The following ZBTB20 variants were observed in gnomAD, a reference collection of about 807,000 sequenced individuals.
ZBTB20 encodes the protein zinc finger and BTB domain containing 20, also known as zinc finger and BTB domain-containing protein 20.
In ZBTB20, 9 loss-of-function variants were observed where a neutral mutation model predicts 56.9. That is an observed-to-expected ratio of 0.16 (90% CI 0.10 to 0.28). ZBTB20 has a LOEUF of 0.28. Ranked by LOEUF, ZBTB20 falls within the 10% of genes least tolerant of loss-of-function variation. ZBTB20 has a pLI of 1.00. For synonymous variants in ZBTB20, 417 were observed against 420.7 expected (o/e 0.99, Z 0.11); for missense variants, 655 against 1,003.0 (o/e 0.65, Z 4.69).
At chr3:114,848,492 T>C (rs145235731) in intron 4 of ZBTB20, among the ~76,000 whole-genome samples, 1 of 152,310 alleles carries the variant, frequency 6.6e-6, no homozygotes, top group Non-Finnish European at 1.5e-5. Context: ...ATGGAAATTC[T>C]TACAATAGCT....
chr3:114,919,659 T>C (rs987034514), intron 3 of ZBTB20, among the ~76,000 whole-genome samples: 2 of 151,268 alleles, frequency 1.3e-5, no homozygotes, highest in African/African-American at 4.9e-5. Flanking sequence ...GAGCCAAGAT[T>C]GTACCACTGC....
chr3:114,403,890 A>G (rs1290504316), intron 7 of ZBTB20, among the ~76,000 whole-genome samples: 5 of 152,248 alleles, frequency 3.3e-5, no homozygotes, highest in Non-Finnish European at 5.9e-5. Flanking sequence ...ACCTTGGGCA[A>G]GTCATGAAAC....
At chr3:115,006,459 G>GGATA (rs2079474430) in intron 2 of ZBTB20, among the ~76,000 whole-genome samples, 2 of 141,620 alleles carry the variant, frequency 1.4e-5, no homozygotes, top group Non-Finnish European at 3.0e-5. Context: ...TTATCCAGTT[G>GGATA]GATATATATA....
At chr3:114,811,034 C>T (rs1316850024) in intron 4 of ZBTB20, among the ~76,000 whole-genome samples, 2 of 152,060 alleles carry the variant, frequency 1.3e-5, no homozygotes, top group South Asian at 2.1e-4. Context: ...AACCACTCAG[C>T]GAGAAGGACT....
chr3:114,381,467 C>G (rs1241510925), intron 8 of ZBTB20, among the ~76,000 whole-genome samples: 2 of 152,196 alleles, frequency 1.3e-5, no homozygotes, highest in Admixed American at 6.5e-5. Context: ...TACACAGACC[C>G]TAGACCACAG....
At chr3:114,560,972 T>C (rs912584647) in intron 6 of ZBTB20, among the ~76,000 whole-genome samples, 1 of 152,236 alleles carries the variant, frequency 6.6e-6, no homozygotes, top group Non-Finnish European at 1.5e-5. Flanking sequence ...TATAAAACAT[T>C]CTAAATATTT....
At chr3:114,862,772 C>T (rs1476544327) in intron 4 of ZBTB20, among the ~76,000 whole-genome samples, 1 of 152,154 alleles carries the variant, frequency 6.6e-6, no homozygotes, top group Admixed American at 6.5e-5. Flanking sequence ...TTTTGAAACA[C>T]AACCTGTTTG....
intron 6 of ZBTB20, among the ~76,000 whole-genome samples, chr3:114,602,541 T>G (rs1402561): frequency 0.42 from 64,463 of 151,700 alleles, 16,668 homozygotes; most frequent in East Asian, 0.77. Context: ...ATATGCTTTG[T>G]TTTTATGTAT....
At chr3:114,367,431 A>T (rs990973896) in intron 10 of ZBTB20, among the ~76,000 whole-genome samples, 2 of 152,102 alleles carry the variant, frequency 1.3e-5, no homozygotes, top group African/African-American at 4.8e-5. Context: ...ATGCCCCGCT[A>T]ACTGTTTTGT....
intron 7 of ZBTB20, among the ~76,000 whole-genome samples, chr3:114,461,470 C>T (rs953818671): frequency 6.6e-6 from 1 of 152,012 alleles, no homozygotes; most frequent in Non-Finnish European, 1.5e-5. Context: ...CCATGCCAGG[C>T]TAATTTTTAA....
rs1342182334 is a variant in ZBTB20 at position 114,337,425 on chromosome 3, C to T, written c.*1580G>A. ...GTTTCACTAAGAAAAAAAGTAAAGTCAATAGAAATTCTAGAATTGTAAGAT... is the reference window on the plus strand; with the variant it reads ...GTTTCACTAAGAAAAAAAGTAAAGTTAATAGAAATTCTAGAATTGTAAGAT... On this transcript the variant is annotated 3_prime_UTR_variant, in exon 12 of 12. Coordinates refer to ENST00000675478, the MANE Select transcript of ZBTB20 (RefSeq NM_001348800.3). The T allele has an allele frequency of 1.3e-5, 2 of 152,068 alleles. No individual in the cohort carries two copies. The highest frequency in any genetic ancestry group is 2.9e-5 in the Non-Finnish European group (2 of 68,004). 9.4% of individuals were successfully genotyped at this position (152,068 alleles called of 1,614,324 possible).
At chr3:114,619,791 T>C in intron 6 of ZBTB20, among the ~76,000 whole-genome samples, 1 of 152,214 alleles carries the variant, frequency 6.6e-6, no homozygotes, top group South Asian at 2.1e-4. Flanking sequence ...ATTTAATTAG[T>C]GCTTGTTAAG....
At chr3:114,875,953 G>A (rs2076175175) in intron 4 of ZBTB20, among the ~76,000 whole-genome samples, 1 of 151,934 alleles carries the variant, frequency 6.6e-6, no homozygotes, top group African/African-American at 2.4e-5. Flanking sequence ...TAAATTTTAG[G>A]CTCAGTGCAG....
At chr3:114,489,668 TTACTC>T (rs151005860) in intron 7 of ZBTB20, among the ~76,000 whole-genome samples, 2,065 of 152,276 alleles carry the variant, frequency 0.014, 47 homozygotes, top group African/African-American at 0.046. Flanking sequence ...TGTTTCCCCT[TTACTC>T]TATACTTTCT....
At chr3:114,672,157 A>G (rs1335954318) in intron 6 of ZBTB20, among the ~76,000 whole-genome samples, 1 of 152,196 alleles carries the variant, frequency 6.6e-6, no homozygotes, top group South Asian at 2.1e-4. Context: ...GGAATATTAA[A>G]TTGAAAAATA....
chr3:114,473,606 G>C (rs566841922), intron 7 of ZBTB20, among the ~76,000 whole-genome samples: 1 of 152,248 alleles, frequency 6.6e-6, no homozygotes, highest in South Asian at 2.1e-4. Context: ...GAGGCAGGAG[G>C]ATCACTGGAC....
At chr3:114,976,828 T>C (rs1248343513) in intron 2 of ZBTB20, among the ~76,000 whole-genome samples, 1 of 152,102 alleles carries the variant, frequency 6.6e-6, no homozygotes, top group Admixed American at 6.6e-5. Flanking sequence ...TAAGGTTCCT[T>C]AAATAGTGCC....
intron 3 of ZBTB20, among the ~76,000 whole-genome samples, chr3:114,905,008 G>C (rs1343100332): frequency 1.3e-5 from 2 of 151,802 alleles, no homozygotes; most frequent in African/African-American, 2.4e-5. Context: ...CACTTAAAAT[G>C]AAAGAATTTA....
chr3:114,798,616 C>A (rs1020793565), intron 5 of ZBTB20, among the ~76,000 whole-genome samples: 15 of 151,984 alleles, frequency 9.9e-5, no homozygotes, highest in African/African-American at 3.4e-4. Flanking sequence ...GTTTGTGTAA[C>A]CTTTGTGCCC....
Sources: gnomAD v4.1 joint callset for allele counts (sites outside exome capture counted in the v4.1 genomes callset) on GRCh38, gnomAD v4.1.1 for gene constraint, MANE v1.5 for transcripts, NCBI Gene and HGNC (gene_info 2026-07-23, HGNC 2026-07-21) for gene names.